The following CCSER1 variants were observed in gnomAD, a reference collection of about 807,000 sequenced individuals.
CCSER1 encodes coiled-coil serine rich protein 1, also known as serine-rich coiled-coil domain-containing protein 1.
In CCSER1, 41 loss-of-function variants were observed where a neutral mutation model predicts 82.0. The ratio of observed to expected loss-of-function variants is 0.50; its 90% CI spans 0.39 to 0.65. The LOEUF (loss-of-function observed/expected upper bound fraction) is 0.65, where lower values mean the gene tolerates loss of function less well. Ranked by LOEUF, CCSER1 falls within the 30% of genes least tolerant of loss-of-function variation. CCSER1 has a pLI of 0.00. For missense variants in CCSER1, 1,119 were observed against 1,064.2 expected (o/e 1.05, Z -0.72); for synonymous variants, 414 against 383.9 (o/e 1.08, Z -0.92).
chr4:90,276,058 A>G (rs1472853845), intron 1 of CCSER1, among the ~76,000 whole-genome samples: 2 of 152,112 alleles, frequency 1.3e-5, no homozygotes, highest in African/African-American at 4.8e-5. Flanking sequence ...TATATCTTTA[A>G]TAATTCTGTT....
intron 10 of CCSER1, among the ~76,000 whole-genome samples, chr4:91,210,284 CATT>C (rs1324395883): frequency 3.3e-5 from 5 of 150,422 alleles, no homozygotes; most frequent in Non-Finnish European, 7.4e-5. Flanking sequence ...ATATATATAA[CATT>C]ATAACCCATT....
At chr4:91,111,733 T>A (rs1726110415) in intron 10 of CCSER1, among the ~76,000 whole-genome samples, 1 of 151,530 alleles carries the variant, frequency 6.6e-6, no homozygotes, top group Non-Finnish European at 1.5e-5. Flanking sequence ...TGAGGTAGTC[T>A]GTAATAATAA....
At chr4:91,459,641 A>G (rs905852443) in intron 10 of CCSER1, among the ~76,000 whole-genome samples, 62 of 151,910 alleles carry the variant, frequency 4.1e-4, no homozygotes, top group African/African-American at 7.2e-4. Context: ...AGTTCTTGGG[A>G]AAAAAAATGG....
At chr4:90,573,109 C>T (rs1417560679) in intron 5 of CCSER1, among the ~76,000 whole-genome samples, 2 of 152,214 alleles carry the variant, frequency 1.3e-5, no homozygotes, top group African/African-American at 2.4e-5. Context: ...ACTCAGTGCG[C>T]CTGTAGTGGG....
rs1730589362 is a variant in CCSER1, at chr4:91,154,419, C to A, written c.2217+68425C>A. ...CCTGGTGCCATTTGTTACGGCTTCC[C>A]TTGGTTTGGAAAGGGAATTCCCTGA... On this transcript the variant is annotated intron_variant, in intron 10 of 10. Transcript: ENST00000509176. Among the ~76,000 whole-genome samples, 6 of 152,126 alleles carry A rather than the reference C, an allele frequency of 3.9e-5. No homozygotes were observed. The South Asian group carries it at 1.2e-3, about 32-fold the overall frequency.
At chr4:91,076,347 C>G (rs532647688) in intron 9 of CCSER1, among the ~76,000 whole-genome samples, 136 of 150,308 alleles carry the variant, frequency 9.0e-4, no homozygotes, top group Non-Finnish European at 1.5e-3. Context: ...TTTTTTTCCA[C>G]TAAATGCTTA....
chr4:90,406,096 G>C (rs1248121119), intron 4 of CCSER1, among the ~76,000 whole-genome samples: 7 of 152,098 alleles, frequency 4.6e-5, no homozygotes, highest in Non-Finnish European at 7.4e-5. Flanking sequence ...CACTAAACAA[G>C]TTTGTTCTGT....
intron 6 of CCSER1, among the ~76,000 whole-genome samples, chr4:90,700,040 A>G (rs1324189260): frequency 6.6e-6 from 1 of 151,290 alleles, no homozygotes; most frequent in African/African-American, 2.4e-5. Flanking sequence ...TACGACATGC[A>G]GGTTTGTTAC....
chr4:90,337,778 C>A (rs1740684703), intron 3 of CCSER1, among the ~76,000 whole-genome samples: 1 of 151,878 alleles, frequency 6.6e-6, no homozygotes, highest in East Asian at 1.9e-4. Context: ...TAGTATTTAA[C>A]CCATTATATG....
intron 1 of CCSER1, among the ~76,000 whole-genome samples, chr4:90,195,929 T>C (rs1736506575): frequency 6.6e-6 from 1 of 152,064 alleles, no homozygotes; most frequent in African/African-American, 2.4e-5. Flanking sequence ...TGTGAAAGTA[T>C]TCGAAGTAAT....
intron 10 of CCSER1, among the ~76,000 whole-genome samples, chr4:91,159,874 A>G (rs542647562): frequency 1.2e-4 from 19 of 152,038 alleles, no homozygotes; most frequent in African/African-American, 1.7e-4. Context: ...TTATGAAATC[A>G]TGATTTTTAG....
intron 7 of CCSER1, among the ~76,000 whole-genome samples, chr4:90,754,271 T>A (rs1230009505): frequency 2.0e-5 from 3 of 152,154 alleles, no homozygotes; most frequent in Admixed American, 6.6e-5. Context: ...TAATAAATAT[T>A]TTTGCTAAAA....
intron 10 of CCSER1, among the ~76,000 whole-genome samples, chr4:91,443,800 T>C (rs957811306): frequency 3.3e-5 from 5 of 150,090 alleles, no homozygotes; most frequent in Non-Finnish European, 4.4e-5. Flanking sequence ...AATGGGATTT[T>C]TATTCACACT....
intron 5 of CCSER1, among the ~76,000 whole-genome samples, chr4:90,522,614 G>A (rs1452970094): frequency 6.6e-6 from 1 of 152,016 alleles, no homozygotes; most frequent in Non-Finnish European, 1.5e-5. Context: ...TAAACTCTAA[G>A]ACCCAGCATA....
At chr4:91,281,135 A>C (rs552249888) in intron 10 of CCSER1, among the ~76,000 whole-genome samples, 47 of 152,188 alleles carry the variant, frequency 3.1e-4, no homozygotes, top group Non-Finnish European at 4.7e-4. Context: ...TGTTTTGGGG[A>C]ATCTCTCCAG....
chr4:90,427,272 A>G (rs1757652642), intron 4 of CCSER1, among the ~76,000 whole-genome samples: 1 of 151,842 alleles, frequency 6.6e-6, no homozygotes, highest in Admixed American at 6.6e-5. Flanking sequence ...TTAAAAAATA[A>G]TAGTTTAGGA....
chr4:90,536,411 G>A (rs1405212927), intron 5 of CCSER1, among the ~76,000 whole-genome samples: 2 of 152,128 alleles, frequency 1.3e-5, no homozygotes, highest in South Asian at 2.1e-4. Flanking sequence ...TTGCAAGATA[G>A]CAGGGAGGAT....
At chr4:91,476,603 G>C (rs2110030557) in intron 10 of CCSER1, among the ~76,000 whole-genome samples, 1 of 151,478 alleles carries the variant, frequency 6.6e-6, no homozygotes, top group East Asian at 1.9e-4. Context: ...GCAATTTTGA[G>C]GAAAAAGAAC....
intron 1 of CCSER1, among the ~76,000 whole-genome samples, chr4:90,255,264 A>T (rs764506683): frequency 3.9e-5 from 6 of 152,052 alleles, no homozygotes; most frequent in Non-Finnish European, 8.8e-5. Flanking sequence ...AAGCATAACC[A>T]TATATTTTTT....
Sources: allele counts gnomAD v4.1 joint callset (sites outside exome capture counted in the v4.1 genomes callset), GRCh38; gene constraint gnomAD v4.1.1; transcripts MANE v1.5; gene names NCBI Gene and HGNC (gene_info 2026-07-23, HGNC 2026-07-21).